The following KCNIP4 variants were observed in gnomAD, a reference collection of about 807,000 sequenced individuals.
KCNIP4 encodes Kv channel-interacting protein 4.
KCNIP4 carries 12 observed loss-of-function variants against 34.0 expected under a neutral mutation model. The observed-to-expected ratio is 0.35, with a 90% CI of 0.23 to 0.57. The LOEUF is 0.57. KCNIP4 is among the 20% of genes least tolerant of loss of function. The pLI is 0.83. For missense variants in KCNIP4, 238 were observed against 311.7 expected, an observed-to-expected ratio of 0.76 and a Z score of 1.78; for synonymous variants, 124 against 102.2, an observed-to-expected ratio of 1.21 and a Z score of -1.29.
At chr4:21,755,055 G>A (rs1467908114) in intron 1 of KCNIP4, among the ~76,000 whole-genome samples, 1 of 152,164 alleles carries the variant, frequency 6.6e-6, no homozygotes, top group Non-Finnish European at 1.5e-5. Context: ...GCTGAGGCAG[G>A]AGAATTGCTT....
intron 1 of KCNIP4, among the ~76,000 whole-genome samples, chr4:21,324,849 T>C (rs1714872109): frequency 6.6e-6 from 1 of 152,068 alleles, no homozygotes; most frequent in African/African-American, 2.4e-5. Flanking sequence ...TTGCTTTAGG[T>C]AGTATGGACA....
chr4:21,021,512 A>G (rs1055546601), intron 1 of KCNIP4, among the ~76,000 whole-genome samples: 1 of 152,174 alleles, frequency 6.6e-6, no homozygotes, highest in Admixed American at 6.5e-5. Context: ...GTATAGTTGT[A>G]CAAAAATGTT....
chr4:21,740,640 C>T (rs964244625), intron 1 of KCNIP4, among the ~76,000 whole-genome samples: 2 of 152,108 alleles, frequency 1.3e-5, no homozygotes, highest in African/African-American at 4.8e-5. Flanking sequence ...ACTTATTTCA[C>T]TTATTTGGGA....
intron 1 of KCNIP4, among the ~76,000 whole-genome samples, chr4:21,618,630 C>CTTTTTTTTTTTTT (rs58967707): frequency 2.4e-4 from 20 of 81,780 alleles, no homozygotes; most frequent in South Asian, 4.3e-4. Context: ...TTTTCTTTTT[C>CTTTTTTTTTTTTT]TTTTTTTTTT....
intron 2 of KCNIP4, among the ~76,000 whole-genome samples, chr4:20,870,190 G>C (rs11932975): frequency 6.6e-6 from 1 of 152,182 alleles, no homozygotes; most frequent in East Asian, 1.9e-4. Flanking sequence ...GTAATTCCCA[G>C]TGTTGGGGGA....
intron 2 of KCNIP4, among the ~76,000 whole-genome samples, chr4:20,882,364 C>G (rs2149524450): frequency 1.3e-5 from 2 of 152,198 alleles, no homozygotes; most frequent in East Asian, 3.9e-4. Flanking sequence ...TTACATCAAA[C>G]AAAAATGTCC....
At chr4:21,939,844 G>C (rs761738053) in intron 1 of KCNIP4, among the ~76,000 whole-genome samples, 8 of 152,182 alleles carry the variant, frequency 5.3e-5, no homozygotes, top group Non-Finnish European at 1.2e-4. Flanking sequence ...ACTTTCACAA[G>C]TGCTTGAAAT....
At chr4:21,739,370 C>A (rs1716244383) in intron 1 of KCNIP4, among the ~76,000 whole-genome samples, 1 of 151,538 alleles carries the variant, frequency 6.6e-6, no homozygotes, top group African/African-American at 2.4e-5. Context: ...AAATATAAAC[C>A]CTAAAAGCTA....
chr4:21,533,020 G>GTA (rs572696100), intron 1 of KCNIP4, among the ~76,000 whole-genome samples: 61 of 144,848 alleles, frequency 4.2e-4, no homozygotes, highest in African/African-American at 1.3e-3. Flanking sequence ...ATATACATAT[G>GTA]TATATATATA....
chr4:21,499,514 T>C (rs16871241), intron 1 of KCNIP4, among the ~76,000 whole-genome samples: 5,710 of 152,176 alleles, frequency 0.038, 325 homozygotes, highest in African/African-American at 0.12. Context: ...CTGATTTGTT[T>C]TAAGTATAAA....
At chr4:21,657,957 A>G (rs527946561) in intron 1 of KCNIP4, among the ~76,000 whole-genome samples, 27 of 151,620 alleles carry the variant, frequency 1.8e-4, no homozygotes, top group African/African-American at 6.5e-4. Context: ...CTCCTGCCTC[A>G]GCTTCCTGAG....
At chr4:20,779,576 A>AC (rs71653900) in intron 3 of KCNIP4, among the ~76,000 whole-genome samples, 16,502 of 80,194 alleles carry the variant, frequency 0.21, 1,634 homozygotes, top group Non-Finnish European at 0.26. Flanking sequence ...CTGCCCCACA[A>AC]CCCCCCCCCC....
At chr4:21,720,016 AAGG>A (rs373667286) in intron 1 of KCNIP4, among the ~76,000 whole-genome samples, 12,201 of 123,092 alleles carry the variant, frequency 0.099, 578 homozygotes, top group Middle Eastern at 0.18. Flanking sequence ...GAAGAAGAAG[AAGG>A]AGAAGGAGAA....
chr4:20,776,031 T>C (rs1042186112), intron 3 of KCNIP4, among the ~76,000 whole-genome samples: 1 of 152,210 alleles, frequency 6.6e-6, no homozygotes, highest in African/African-American at 2.4e-5. Context: ...TCCAGGCATA[T>C]AAAAGAGCTT....
intron 1 of KCNIP4, among the ~76,000 whole-genome samples, chr4:20,937,543 T>C (rs936982291): frequency 9.9e-5 from 15 of 151,736 alleles, no homozygotes; most frequent in African/African-American, 3.6e-4. Flanking sequence ...CCCCAAGGAG[T>C]CTTTTGAAAG....
Position 21,547,099 on chromosome 4 carries a change from T to G in KCNIP4, c.61+401472A>C, listed in dbSNP as rs554083851. ...TGTGATCAAACCATGCCCCTGAGAC[T>G]GGGCACTAGGACAAATGAATGTGGA... On this transcript the variant is annotated intron_variant, in intron 1 of 8. Coordinates refer to ENST00000382152, the MANE Select transcript of KCNIP4 (RefSeq NM_025221.6). Among the ~76,000 whole-genome samples, 4 of 152,236 alleles carry G rather than the reference T, an allele frequency of 2.6e-5. No individual in the cohort carries two copies. In the East Asian group the frequency reaches 7.7e-4, roughly 29 times the overall value.
At chr4:21,727,880 G>A (rs143702502) in intron 1 of KCNIP4, among the ~76,000 whole-genome samples, 3 of 152,208 alleles carry the variant, frequency 2.0e-5, no homozygotes, top group Non-Finnish European at 4.4e-5. Context: ...ATTTGCCTTT[G>A]TTCAGAATAT....
intron 1 of KCNIP4, among the ~76,000 whole-genome samples, chr4:21,422,084 A>G (rs1044959385): frequency 1.3e-5 from 2 of 152,196 alleles, no homozygotes; most frequent in Admixed American, 1.3e-4. Flanking sequence ...GATATTTAGC[A>G]TTTTGTTTCA....
chr4:21,297,335 A>G (rs1461181023), intron 1 of KCNIP4, among the ~76,000 whole-genome samples: 2 of 152,018 alleles, frequency 1.3e-5, no homozygotes, highest in Non-Finnish European at 2.9e-5. Flanking sequence ...GGTGAAAAAC[A>G]CCTCAATTTA....
Sources: gnomAD v4.1 joint callset for allele counts (sites outside exome capture counted in the v4.1 genomes callset) on GRCh38, gnomAD v4.1.1 for gene constraint, MANE v1.5 for transcripts, NCBI Gene and HGNC (gene_info 2026-07-23, HGNC 2026-07-21) for gene names.